The following ZNF470 variants were observed in gnomAD, a reference collection of about 807,000 sequenced individuals.
ZNF470 encodes zinc finger protein 470.
In ZNF470, 13 loss-of-function variants were observed where a neutral mutation model predicts 13.9. That is an observed-to-expected ratio of 0.94 (90% confidence interval 0.61 to 1.49). The LOEUF (loss-of-function observed/expected upper bound fraction) is 1.49, where lower values mean the gene tolerates loss of function less well. Among genes scored for constraint, ZNF470 ranks in the 40% most tolerant of loss-of-function variants. The pLI is 0.00. For synonymous variants in ZNF470, 293 were observed against 282.9 expected, an observed-to-expected ratio of 1.04 and a Z score of -0.36; for missense variants, 929 against 857.3, an observed-to-expected ratio of 1.08 and a Z score of -1.04.
chr19:56,569,840 A>G (rs932323550), intron 2 of ZNF470, among the ~76,000 whole-genome samples: 3 of 152,086 alleles, frequency 2.0e-5, no homozygotes, highest in Non-Finnish European at 4.4e-5. Flanking sequence ...AAGTAAAAAA[A>G]CTAGCTGGGC....
chr19:56,579,915 A>G lies in ZNF470; in HGVS notation c.*1332A>G, dbSNP rs1441798311. The G allele has an allele frequency of 8.7e-6, 3 of 343,124 alleles. No individual in the cohort carries two copies. The highest frequency in any genetic ancestry group is 1.2e-5 in the Non-Finnish European group (3 of 243,172). 21.3% of individuals were successfully genotyped at this position (343,124 alleles called of 1,614,324 possible). ...GATTTTAACGAGGAATGTAGTTTAC[A>G]TTAGGAATGTAGTACTAATACTAAT... On this transcript the variant is annotated 3_prime_UTR_variant, in exon 6 of 6. Coordinates refer to ENST00000330619, the MANE Select transcript of ZNF470 (RefSeq NM_001001668.4).
rs2147990679 is a variant in ZNF470 at position 56,581,029 on chromosome 19, G to A, written c.*2446G>A. 1 of 985,256 alleles carries A rather than the reference G, an allele frequency of 1.0e-6. No individual in the cohort carries two copies. The highest frequency in any genetic ancestry group is 1.1e-4 in the East Asian group (1 of 8,822). 61.0% of individuals were successfully genotyped at this position (985,256 alleles called of 1,614,324 possible). ...TTTGAAATAGACTTTAAGCACTAAT[G>A]CATAACCCCAAAGCTGACATTAGGC... is the stretch of plus-strand genomic sequence containing the variant. On this transcript the variant is annotated 3_prime_UTR_variant, in exon 6 of 6. Transcript: ENST00000330619.
chr19:56,578,743 T>G lies in ZNF470; in HGVS notation c.*160T>G, dbSNP rs2044513311. The G allele has an allele frequency of 8.0e-7, 1 of 1,254,724 alleles. No individual in the cohort carries two copies. Among genetic ancestry groups the G allele is most frequent in the African/African-American group, 1.5e-5 (1 of 65,566 alleles). 77.7% of individuals were successfully genotyped at this position (1,254,724 alleles called of 1,614,324 possible). A position where few individuals can be genotyped will look rare whatever the true frequency, so the allele number is the denominator to read the frequency against. On this transcript the variant is annotated 3_prime_UTR_variant, in exon 6 of 6. Transcript: ENST00000330619. ...TACATGTTTAACACTGTAGGCAGCCTAACCTTTTAAAAATAAAAATACATA... is the reference window on the plus strand; with the variant it reads ...TACATGTTTAACACTGTAGGCAGCCGAACCTTTTAAAAATAAAAATACATA...
intron 3 of ZNF470, chr19:56,574,133 G>C: frequency 1.7e-6 from 1 of 605,794 alleles, no homozygotes; most frequent in Non-Finnish European, 2.6e-6. Flanking sequence ...TTTTTCATTG[G>C]TAATGTATTC....
At chr19:56,574,095 T>C (rs2044472671) in intron 3 of ZNF470, 1 of 370,796 alleles carries the variant, frequency 2.7e-6, no homozygotes, top group African/African-American at 2.2e-5. Flanking sequence ...AGCACTTGAT[T>C]ATATCCTGTT....
At position 56,567,912 on chromosome 19, in the gene ZNF470, T is replaced by A; in HGVS notation, c.-285T>A. ...GCAAAGTCCTAGAGCCCGGGGAAGT[T>A]GCCCGGGCGGGGCAGCCTCGGCTGA... On this transcript the variant is annotated 5_prime_UTR_variant, in exon 1 of 6. Coordinates refer to ENST00000330619, the MANE Select transcript of ZNF470 (RefSeq NM_001001668.4). 1 of 982,826 alleles carries A rather than the reference T, an allele frequency of 1.0e-6. No individual in the cohort carries two copies. The highest frequency in any genetic ancestry group is 1.2e-6 in the Non-Finnish European group (1 of 829,310). 60.9% of individuals were successfully genotyped at this position (982,826 alleles called of 1,614,324 possible). A position where few individuals can be genotyped will look rare whatever the true frequency, so the allele number is the denominator to read the frequency against.
chr19:56,581,937 C>A lies in ZNF470; in HGVS notation c.*3354C>A, dbSNP rs887501303. 18 of 985,282 alleles carry A rather than the reference C, an allele frequency of 1.8e-5. No individual in the cohort carries two copies. In the African/African-American group the frequency reaches 2.6e-4, roughly 14 times the overall value. The allele number at this position is 985,282 out of a possible 1,614,324, so 61.0% of individuals were successfully genotyped here. ...GGAACCACCCTGGTTTTTGTACTTTCCAAGTCTGTGATTCCTCAAACTACC... is the reference window on the plus strand; with the variant it reads ...GGAACCACCCTGGTTTTTGTACTTTACAAGTCTGTGATTCCTCAAACTACC... On this transcript the variant is annotated 3_prime_UTR_variant, in exon 6 of 6. Coordinates refer to ENST00000330619, the MANE Select transcript of ZNF470 (RefSeq NM_001001668.4).
Position 56,570,174 on chromosome 19 carries a change from G to A in ZNF470, c.-32-106G>A, listed in dbSNP as rs542693482. 346 of 729,244 alleles carry A rather than the reference G, an allele frequency of 4.7e-4. 7 individuals carry two copies. The highest frequency in any genetic ancestry group is 3.9e-3 in the South Asian group (230 of 59,596). 45.2% of individuals were successfully genotyped at this position (729,244 alleles called of 1,614,324 possible). ...TCAGGACTGTGGGGTGGGGGAGTTG[G>A]AGTGAGGACTGTGAGTGAGGACAGA... On this transcript the variant is annotated intron_variant, in intron 2 of 5. Transcript: ENST00000330619.
At chr19:56,571,288 G>A (rs1175984847) in intron 3 of ZNF470, among the ~76,000 whole-genome samples, 3 of 152,198 alleles carry the variant, frequency 2.0e-5, no homozygotes, top group South Asian at 4.1e-4. Flanking sequence ...ATTATCTGCT[G>A]TTAATAGAGT....
At chr19:56,570,573 C>T (rs1005254) in intron 3 of ZNF470, among the ~76,000 whole-genome samples, 118,065 of 152,056 alleles carry the variant, frequency 0.78, 46,815 homozygotes, top group African/African-American at 0.94. Flanking sequence ...TTCCTTCTCT[C>T]CTTCCTGCTC....
chr19:56,578,617 G>T lies in ZNF470; in HGVS notation c.*34G>T. ...TCGTAAATGCTTCTAGCATCCATCT[G>T]CTTTTTTCCAGCACATGTCCCATCA... On this transcript the variant is annotated 3_prime_UTR_variant, in exon 6 of 6. Transcript: ENST00000330619. 1.4e-6 allele frequency: 2 copies of T among 1,459,400 alleles called. No individual in the cohort carries two copies. The highest frequency in any genetic ancestry group is 9.1e-7 in the Non-Finnish European group (1 of 1,102,574). 90.4% of individuals were successfully genotyped at this position (1,459,400 alleles called of 1,614,324 possible).
chr19:56,574,185 C>G (rs2044473108), intron 3 of ZNF470: 2 of 833,886 alleles, frequency 2.4e-6, no homozygotes, highest in Non-Finnish European at 3.9e-6. Flanking sequence ...CAAGGAGTAT[C>G]TCATTTTTTT....
chr19:56,572,929 C>T (rs1394836697), intron 3 of ZNF470, among the ~76,000 whole-genome samples: 1 of 152,120 alleles, frequency 6.6e-6, no homozygotes, highest in Non-Finnish European at 1.5e-5. Flanking sequence ...GAACTTGGAG[C>T]ATCAGGGTGA....
rs941889513 is a variant in ZNF470, at chr19:56,567,580, T to C, written c.-617T>C. The C allele has an allele frequency of 3.0e-6, 3 of 985,778 alleles. No individual in the cohort carries two copies. The highest frequency in any genetic ancestry group is 1.8e-5 in the African/African-American group (1 of 56,396). 61.1% of individuals were successfully genotyped at this position (985,778 alleles called of 1,614,324 possible). On this transcript the variant is annotated 5_prime_UTR_variant, in exon 1 of 6. Transcript: ENST00000330619. Reference sequence around the variant, plus strand: ...CTGGACTGGGGCGCGGCGGGGGCGGTGTCCTGGTTCCTGTGTGGGCGGCGG... The same window carrying C: ...CTGGACTGGGGCGCGGCGGGGGCGGCGTCCTGGTTCCTGTGTGGGCGGCGG...
chr19:56,570,209 A>G, intron 2 of ZNF470, 71 bp from the exon 3 acceptor site: 1 of 1,104,238 alleles, frequency 9.1e-7, no homozygotes, highest in Non-Finnish European at 1.4e-6. Context: ...AAGAAGCTGA[A>G]GGGAAGAAAG....
chr19:56,573,732 A>T (rs578095931), intron 3 of ZNF470, among the ~76,000 whole-genome samples: 2 of 152,346 alleles, frequency 1.3e-5, no homozygotes, highest in South Asian at 4.1e-4. Flanking sequence ...GTGAGAGGCC[A>T]GGAGTTTGAG....
Position 56,582,453 on chromosome 19 carries a change from A to G in ZNF470, c.*3870A>G, listed in dbSNP as rs1000377712. The G allele has an allele frequency of 5.1e-6, 5 of 985,270 alleles. No individual in the cohort carries two copies. The highest frequency in any genetic ancestry group is 6.0e-6 in the Non-Finnish European group (5 of 829,912). The allele number at this position is 985,270 out of a possible 1,614,324, so 61.0% of individuals were successfully genotyped here. ...CCAAATTTAGAGACTATTTTTATGC[A>G]TTGTTAAAGTGGAATGCTGGTTAAA... On this transcript the variant is annotated 3_prime_UTR_variant, in exon 6 of 6. Coordinates refer to ENST00000330619, the MANE Select transcript of ZNF470 (RefSeq NM_001001668.4).
rs1325222639 is a variant in ZNF470 at position 56,567,719 on chromosome 19, G to A, written c.-478G>A. 14 of 988,474 alleles carry A rather than the reference G, an allele frequency of 1.4e-5. No homozygotes were observed. Among genetic ancestry groups the A allele is most frequent in the Non-Finnish European group, 1.7e-5 (14 of 832,446 alleles). 61.2% of individuals were successfully genotyped at this position (988,474 alleles called of 1,614,324 possible). On this transcript the variant is annotated 5_prime_UTR_variant, in exon 1 of 6. Coordinates refer to ENST00000330619, the MANE Select transcript of ZNF470 (RefSeq NM_001001668.4). Reference sequence around the variant, plus strand: ...GGGGATGGCGGCCCGGTGTGTGACTGTCCGGTGCGTGGCCGCGAATCTGCG... The same window carrying A: ...GGGGATGGCGGCCCGGTGTGTGACTATCCGGTGCGTGGCCGCGAATCTGCG...
chr19:56,580,697 C>A lies in ZNF470; in HGVS notation c.*2114C>A. The A allele has an allele frequency of 4.1e-6, 1 of 245,454 alleles. No individual in the cohort carries two copies. The highest frequency in any genetic ancestry group is 6.5e-6 in the Non-Finnish European group (1 of 154,098). 15.2% of individuals were successfully genotyped at this position (245,454 alleles called of 1,614,324 possible). A position where few individuals can be genotyped will look rare whatever the true frequency, so the allele number is the denominator to read the frequency against. On this transcript the variant is annotated 3_prime_UTR_variant, in exon 6 of 6. Coordinates refer to ENST00000330619, the MANE Select transcript of ZNF470 (RefSeq NM_001001668.4). ...GGGCCATGTGAGGGAAGCCGTTATC[C>A]AGAGTACATGACTGCTAGAAAATGG... is the stretch of plus-strand genomic sequence containing the variant.
Sources: gnomAD v4.1 joint callset for allele counts (sites outside exome capture counted in the v4.1 genomes callset) on GRCh38, gnomAD v4.1.1 for gene constraint, MANE v1.5 for transcripts, NCBI Gene and HGNC (gene_info 2026-07-23, HGNC 2026-07-21) for gene names.